Variants in GTF3C1 observed in about 807,000 individuals in gnomAD.
GTF3C1 encodes general transcription factor IIIC subunit 1.
GTF3C1 carries 57 observed loss-of-function variants against 226.7 expected under a neutral mutation model. That is an observed-to-expected ratio of 0.25 (90% CI 0.20 to 0.31). The LOEUF is 0.31. Ranked by LOEUF, GTF3C1 falls within the 10% of genes least tolerant of loss-of-function variation. GTF3C1 has a pLI of 1.00. For synonymous variants in GTF3C1, 1,090 were observed against 1,084.8 expected, an observed-to-expected ratio of 1.00 and a Z score of -0.09; for missense variants, 2,217 against 2,776.1, an observed-to-expected ratio of 0.80 and a Z score of 4.53.
rs182981225 is a variant in GTF3C1 at position 27,545,409 on chromosome 16, G to A, written c.336C>T (p.Gly112=). The A allele has an allele frequency of 3.7e-6, 6 of 1,612,216 alleles. No individual in the cohort carries two copies. Among genetic ancestry groups the A allele is most frequent in the Non-Finnish European group, 2.5e-6 (3 of 1,178,272 alleles). ...MILENKDGIQ[G]SCRYFKERKN... Reference sequence around the variant, plus strand: ...TCCTCTCCTTAAAGTAGCGGCATGAGCCCTGGATGCCATCCTTATTCTCTA... The same window carrying A: ...TCCTCTCCTTAAAGTAGCGGCATGAACCCTGGATGCCATCCTTATTCTCTA... Residue 112 remains glycine, a synonymous_variant, in exon 2 of 37, where the codon GGC becomes GGT. Coordinates refer to ENST00000356183, the MANE Select transcript of GTF3C1 (RefSeq NM_001520.4).
intron 6 of GTF3C1, among the ~76,000 whole-genome samples, chr16:27,517,551 C>T (rs572707006): frequency 6.6e-6 from 1 of 152,356 alleles, no homozygotes; most frequent in African/African-American, 2.4e-5. Context: ...ATACAACCAG[C>T]ACCCGCTCAC....
At chr16:27,542,702 T>G (rs1309622651) in intron 2 of GTF3C1, among the ~76,000 whole-genome samples, 1 of 152,138 alleles carries the variant, frequency 6.6e-6, no homozygotes, top group Non-Finnish European at 1.5e-5. Flanking sequence ...AGTCTCCTTC[T>G]CTTGGGAATG....
chr16:27,520,007 G>A (rs1200913694), intron 6 of GTF3C1, among the ~76,000 whole-genome samples: 6 of 152,200 alleles, frequency 3.9e-5, no homozygotes, highest in Non-Finnish European at 5.9e-5. Context: ...CCCACTACTT[G>A]GGAGGGTAAG....
Position 27,461,996 on chromosome 16 carries a change from G to A in GTF3C1, c.6117+298C>T. On this transcript the variant is annotated intron_variant, in intron 36 of 36. Coordinates refer to ENST00000356183, the MANE Select transcript of GTF3C1 (RefSeq NM_001520.4). This position sits in a 1 kb window ranked among gnomAD's most constrained non-coding sequence, Gnocchi z 5.3. ...CAAGCAGGAAGCAGCTGCACCAGGG[G>A]GCAGCTGCTTGACCCGTGGGGCCCG... 1 of 418,262 alleles carries A rather than the reference G, an allele frequency of 2.4e-6. No individual in the cohort carries two copies. Among genetic ancestry groups the A allele is most frequent in the East Asian group, 3.8e-5 (1 of 26,440 alleles). The allele number at this position is 418,262 out of a possible 1,614,324, so 25.9% of individuals were successfully genotyped here.
intron 10 of GTF3C1, among the ~76,000 whole-genome samples, chr16:27,504,017 G>A (rs1018351859): frequency 7.9e-5 from 12 of 152,332 alleles, no homozygotes; most frequent in Non-Finnish European, 1.8e-4. Context: ...TCCCAAGAGG[G>A]GCAGAAAGTC....
intron 3 of GTF3C1, 62 bp downstream of exon 3, chr16:27,538,118 A>G (rs2089027772): frequency 7.7e-7 from 1 of 1,298,914 alleles, no homozygotes; most frequent in Non-Finnish European, 1.1e-6. Flanking sequence ...AGGCCCCTGC[A>G]TTTGGGATTC....
At chr16:27,484,102 C>A in intron 25 of GTF3C1, 109 bp downstream of exon 25, 2 of 816,040 alleles carry the variant, frequency 2.5e-6, no homozygotes, top group South Asian at 1.6e-5. Flanking sequence ...AACACTTGGC[C>A]AGCCCATCAG....
At chr16:27,540,181 C>T (rs528493106) in intron 2 of GTF3C1, among the ~76,000 whole-genome samples, 1 of 152,202 alleles carries the variant, frequency 6.6e-6, no homozygotes, top group Admixed American at 6.5e-5. Context: ...AAAAAAGAGG[C>T]TGTTTTAACT....
In GTF3C1 at chr16:27,462,448, C is replaced by T. The variant is rs760347646; in HGVS notation, c.5963G>A (p.Arg1988His). Residue 1988 changes from arginine to histidine, a missense_variant, in exon 36 of 37, where the codon CGT (arginine) becomes CAT (histidine). Arg to His is a conservative substitution (Grantham distance 29). Around this residue, in one of 12 missense-constraint regions of GTF3C1, gnomAD observed 153 missense variants for 199.8 expected, o/e 0.77. Coordinates refer to ENST00000356183, the MANE Select transcript of GTF3C1 (RefSeq NM_001520.4). The surrounding 1 kb of genome is among the most constrained non-coding windows in gnomAD (Gnocchi z 4.5). ...ESVCFIGRPW[R>H]VVDGHLNLPV... ...AAGGTTCAGGTGGCCATCCACGACACGCCACGGCCGGCCGATGAAGCAGAC... is the reference window on the plus strand; with the variant it reads ...AAGGTTCAGGTGGCCATCCACGACATGCCACGGCCGGCCGATGAAGCAGAC... The T allele has an allele frequency of 1.9e-6, 3 of 1,613,660 alleles. No individual in the cohort carries two copies. Among genetic ancestry groups the T allele is most frequent in the Admixed American group, 3.3e-5 (2 of 59,988 alleles).
chr16:27,493,926 T>C (rs1260664660), intron 16 of GTF3C1, among the ~76,000 whole-genome samples: 1 of 149,474 alleles, frequency 6.7e-6, no homozygotes, highest in African/African-American at 2.4e-5. Context: ...ATAGTTTCAA[T>C]TCAGCTTTTT....
intron 28 of GTF3C1, among the ~76,000 whole-genome samples, chr16:27,477,750 G>C (rs939941475): frequency 6.6e-6 from 1 of 152,192 alleles, no homozygotes; most frequent in African/African-American, 2.4e-5. Context: ...CAGTGGTTAG[G>C]TTTTGAGGAG....
At chr16:27,531,679 C>T (rs776921518) in intron 5 of GTF3C1, among the ~76,000 whole-genome samples, 2 of 152,240 alleles carry the variant, frequency 1.3e-5, no homozygotes, top group Non-Finnish European at 2.9e-5. Flanking sequence ...TCAAGGCTTG[C>T]TGCTAACACA....
chr16:27,516,912 A>G (rs199810131), intron 6 of GTF3C1, among the ~76,000 whole-genome samples: 46 of 152,136 alleles, frequency 3.0e-4, no homozygotes, highest in Non-Finnish European at 3.4e-4. Flanking sequence ...GGTTATAGTC[A>G]TGGGTCACCG....
intron 33 of GTF3C1, 107 bp from the exon 34 acceptor site, chr16:27,464,943 T>A (rs2087763137): frequency 9.3e-6 from 9 of 962,728 alleles, no homozygotes; most frequent in Non-Finnish European, 1.3e-5. Flanking sequence ...TTGAGTGCCC[T>A]GAGCAGCCCA....
intron 29 of GTF3C1, among the ~76,000 whole-genome samples, chr16:27,474,024 C>T (rs1277163390): frequency 1.3e-5 from 2 of 152,186 alleles, no homozygotes; most frequent in Admixed American, 6.5e-5. Context: ...TGGGGGGTAT[C>T]GTCCACCCAC....
Position 27,488,355 on chromosome 16 carries a change from C to G in GTF3C1, c.3572G>C (p.Trp1191Ser). The change falls in exon 23 of 37, where the codon TGG (tryptophan) becomes TCG (serine). Residue 1191 changes from tryptophan to serine, a missense_variant. Physicochemically the swap from Trp to Ser is radical, Grantham distance 177. Transcript: ENST00000356183. ...TCGGTCCACCTCAAACTGCTCTTCC[C>G]AGCCAGCACAGAGCTCGGAGCCTAC... ...ARVGSELCAG[W>S]EEQFEVDREP... 6.2e-7 allele frequency: 1 copy of G among 1,613,882 alleles called. No individual in the cohort carries two copies. The highest frequency in any genetic ancestry group is 1.3e-5 in the African/African-American group (1 of 75,058).
intron 6 of GTF3C1, among the ~76,000 whole-genome samples, chr16:27,524,752 C>T (rs765999896): frequency 3.3e-5 from 5 of 152,226 alleles, no homozygotes; most frequent in Non-Finnish European, 7.3e-5. Flanking sequence ...ATATAAATTA[C>T]TTCTGTCTTT....
At chr16:27,494,317 C>T (rs575997407) in intron 16 of GTF3C1, among the ~76,000 whole-genome samples, 5 of 150,444 alleles carry the variant, frequency 3.3e-5, no homozygotes, top group Admixed American at 1.3e-4. Context: ...AGGAGAATGG[C>T]GTGAAACTGG....
At position 27,531,316 on chromosome 16, in the gene GTF3C1, GCATGGCCTTCCACAACT is replaced by G. The variant is rs1324601068; in HGVS notation, c.849+1958_849+1974del. ...ATTACTGCCCACTTCTAAGCATGTT[GCATGGCCTTCCACAACT>G]CATGCCTTTGCACCAGCTCTTCTCC... On this transcript the variant is annotated intron_variant, in intron 5 of 36. Coordinates refer to ENST00000356183, the MANE Select transcript of GTF3C1 (RefSeq NM_001520.4). Among the ~76,000 whole-genome samples, 5 of 152,304 alleles carry G rather than the reference GCATGGCCTTCCACAACT, an allele frequency of 3.3e-5. No individual in the cohort carries two copies. In the East Asian group the frequency reaches 9.6e-4, roughly 29 times the overall value.
Sources: allele counts gnomAD v4.1 joint callset (sites outside exome capture counted in the v4.1 genomes callset), GRCh38; gene constraint gnomAD v4.1.1; regional missense constraint gnomAD v4.1.1; non-coding constraint Gnocchi (gnomAD v3.1); transcripts MANE v1.5; gene names NCBI Gene and HGNC (gene_info 2026-07-23, HGNC 2026-07-21).